VAV3: variants seen among roughly 807,000 people sequenced by gnomAD.
VAV3 encodes the protein vav guanine nucleotide exchange factor 3.
In VAV3, 94 loss-of-function variants were observed where a neutral mutation model predicts 131.2. The ratio of observed to expected loss-of-function variants is 0.72; its 90% CI spans 0.61 to 0.85. VAV3 has a LOEUF of 0.85. Ranked by LOEUF, VAV3 falls within the 40% of genes least tolerant of loss-of-function variation. The pLI, the probability that VAV3 is intolerant of heterozygous loss-of-function variation, is 0.00. For synonymous variants in VAV3, 349 were observed against 342.0 expected, an observed-to-expected ratio of 1.02 and a Z score of -0.22; for missense variants, 939 against 1,002.7, an observed-to-expected ratio of 0.94 and a Z score of 0.86.
chr1:107,587,273 A>G (rs1263759061), intron 25 of VAV3, among the ~76,000 whole-genome samples: 1 of 152,240 alleles, frequency 6.6e-6, no homozygotes, highest in Non-Finnish European at 1.5e-5. Flanking sequence ...AATGTTATTA[A>G]GAGCAAGAGA....
intron 17 of VAV3, among the ~76,000 whole-genome samples, chr1:107,697,189 T>C (rs568913852): frequency 6.6e-6 from 1 of 152,294 alleles, no homozygotes; most frequent in African/African-American, 2.4e-5. Context: ...ACTGATGGAA[T>C]GATACAGAGA....
chr1:107,931,894 C>A (rs1425467696), intron 1 of VAV3, among the ~76,000 whole-genome samples: 1 of 152,176 alleles, frequency 6.6e-6, no homozygotes, highest in Non-Finnish European at 1.5e-5. Flanking sequence ...GTGCTTTGAA[C>A]ATTAAGCATG....
intron 17 of VAV3, among the ~76,000 whole-genome samples, chr1:107,699,070 C>T (rs1194315207): frequency 6.6e-6 from 1 of 152,230 alleles, no homozygotes; most frequent in East Asian, 1.9e-4. Context: ...ATTCAAAACA[C>T]AATCATGCCT....
intron 15 of VAV3, among the ~76,000 whole-genome samples, chr1:107,746,090 AC>A (rs542781960): frequency 9.6e-4 from 146 of 152,346 alleles, no homozygotes; most frequent in African/African-American, 3.3e-3. Context: ...CAAAATTTGA[AC>A]CATAGGCAAA....
Position 107,770,675 on chromosome 1 carries a change from T to G in VAV3, c.609A>C (p.Thr203=). ...RSCCLAEIKQ[T]EEKYTETLES... ...CCAAAGTTTCTGTATATTTTTCTTC[T>G]GTCTGCTTAATTTCTGCTAGACAAC... is the stretch of plus-strand genomic sequence containing the variant. Residue 203 remains threonine, a synonymous_variant, in exon 6 of 27, where the codon ACA becomes ACC. Transcript: ENST00000370056. 1 of 1,612,534 alleles carries G rather than the reference T, an allele frequency of 6.2e-7. No homozygotes were observed. Among genetic ancestry groups the G allele is most frequent in the Non-Finnish European group, 8.5e-7 (1 of 1,179,346 alleles).
chr1:107,590,475 C>G (rs1464903813), intron 25 of VAV3, among the ~76,000 whole-genome samples: 2 of 152,202 alleles, frequency 1.3e-5, no homozygotes, highest in Non-Finnish European at 2.9e-5. Flanking sequence ...ATAATTCTCA[C>G]ATCACTATAT....
chr1:107,829,863 C>G (rs923789253), intron 2 of VAV3, among the ~76,000 whole-genome samples: 1 of 151,998 alleles, frequency 6.6e-6, no homozygotes, highest in East Asian at 1.9e-4. Context: ...AAACAAGGAG[C>G]CTTTCATACA....
intron 1 of VAV3, among the ~76,000 whole-genome samples, chr1:107,930,661 A>G (rs1316045910): frequency 6.6e-6 from 1 of 152,210 alleles, no homozygotes; most frequent in Admixed American, 6.5e-5. Flanking sequence ...CAAGTCCTAA[A>G]AAATTGTTTT....
intron 2 of VAV3, among the ~76,000 whole-genome samples, chr1:107,842,639 ATTC>A (rs1216592194): frequency 6.6e-6 from 1 of 152,120 alleles, no homozygotes; most frequent in Non-Finnish European, 1.5e-5. Context: ...ATGAGATTTC[ATTC>A]TTCTTTTTTT....
intron 2 of VAV3, among the ~76,000 whole-genome samples, chr1:107,812,885 A>T (rs1044215665): frequency 4.6e-5 from 7 of 152,164 alleles, no homozygotes; most frequent in African/African-American, 1.7e-4. Context: ...GCACTTTGGG[A>T]GGCCAAGGCA....
In VAV3 at chr1:107,572,406, G is replaced by A. The variant is rs1304612408; in HGVS notation, c.*925C>T. 2.0e-5 allele frequency: 3 copies of A among 152,322 alleles called. No homozygotes were observed. Among genetic ancestry groups the A allele is most frequent in the Admixed American group, 1.3e-4 (2 of 15,278 alleles). 9.4% of individuals were successfully genotyped at this position (152,322 alleles called of 1,614,324 possible). On this transcript the variant is annotated 3_prime_UTR_variant, in exon 27 of 27. Transcript: ENST00000370056. ...ATCTTTGTGTGTGTGCGGGGGAGGT[G>A]GATGGGAGGAAAAGGCATGTATTAA...
At chr1:107,744,130 T>C (rs1202958543) in intron 15 of VAV3, among the ~76,000 whole-genome samples, 3 of 152,176 alleles carry the variant, frequency 2.0e-5, no homozygotes, top group African/African-American at 4.8e-5. Context: ...ACCAACAGGA[T>C]AGTGCATCCT....
intron 2 of VAV3, among the ~76,000 whole-genome samples, chr1:107,816,282 C>T (rs898642167): frequency 6.6e-6 from 1 of 152,196 alleles, no homozygotes; most frequent in Non-Finnish European, 1.5e-5. Context: ...GGACAAGTTA[C>T]TTCACTTCTC....
chr1:107,926,204 C>G (rs561990713), intron 1 of VAV3, among the ~76,000 whole-genome samples: 8 of 152,076 alleles, frequency 5.3e-5, no homozygotes, highest in Non-Finnish European at 1.2e-4. Context: ...ATGACTTGAA[C>G]CCGGGAGTGG....
chr1:107,590,623 T>G lies in VAV3; in HGVS notation c.2350+5589A>C, dbSNP rs1650873040. On this transcript the variant is annotated intron_variant, in intron 25 of 26. Coordinates refer to ENST00000370056, the MANE Select transcript of VAV3 (RefSeq NM_006113.5). ...TAAACACTGTGCAAAACTGAATATA[T>G]TCTCTTTTCTCTTAAATCTGTTCTA... 2.6e-5 allele frequency among the ~76,000 whole-genome samples: 4 copies of G among 152,152 alleles called. No homozygotes were observed. The South Asian group carries it at 8.3e-4, about 31-fold the overall frequency.
At chr1:107,822,140 T>C (rs1361150350) in intron 2 of VAV3, among the ~76,000 whole-genome samples, 1 of 152,132 alleles carries the variant, frequency 6.6e-6, no homozygotes, top group East Asian at 1.9e-4. Flanking sequence ...CTGTTATCTC[T>C]TGAGGCAAAA....
intron 25 of VAV3, among the ~76,000 whole-genome samples, chr1:107,577,791 G>C (rs1649758362): frequency 6.6e-6 from 1 of 152,130 alleles, no homozygotes; most frequent in African/African-American, 2.4e-5. Flanking sequence ...CTCCAGCCCT[G>C]GAGTATTTCT....
intron 19 of VAV3, among the ~76,000 whole-genome samples, chr1:107,643,327 T>C (rs1158621018): frequency 1.3e-5 from 2 of 152,096 alleles, no homozygotes; most frequent in Non-Finnish European, 2.9e-5. Flanking sequence ...ACAGACCCAA[T>C]AAAGGGAATA....
chr1:107,683,185 T>C (rs753905524), intron 19 of VAV3, among the ~76,000 whole-genome samples: 10 of 152,178 alleles, frequency 6.6e-5, no homozygotes, highest in Non-Finnish European at 1.2e-4. Context: ...TCTTACTAGA[T>C]TTACAAAGGA....
Sources: allele counts gnomAD v4.1 joint callset (sites outside exome capture counted in the v4.1 genomes callset), GRCh38; gene constraint gnomAD v4.1.1; transcripts MANE v1.5; gene names NCBI Gene and HGNC (gene_info 2026-07-23, HGNC 2026-07-21).